Variants in BBX observed in about 807,000 individuals in gnomAD.
BBX encodes the protein HMG box transcription factor BBX.
BBX carries 30 observed loss-of-function variants against 100.2 expected under a neutral mutation model. That is an observed-to-expected ratio of 0.30 (90% CI 0.22 to 0.41). BBX has a LOEUF of 0.41. Among genes scored for constraint, BBX ranks in the 10% least tolerant of loss-of-function variants. The probability of loss-of-function intolerance (pLI) is 1.00; values close to 1 mark genes in which losing one functional copy is unlikely to be tolerated. For synonymous variants in BBX, 376 were observed against 388.1 expected (o/e 0.97, Z 0.37); for missense variants, 1,023 against 1,129.8 (o/e 0.91, Z 1.35).
At chr3:107,801,073 A>G in intron 16 of BBX, 22 bp from the exon 17 acceptor site, 2 of 1,610,780 alleles carry the variant, frequency 1.2e-6, no homozygotes, top group Non-Finnish European at 8.5e-7. Flanking sequence ...TCCTCTCATG[A>G]TGGATTTCTC....
chr3:107,625,749 A>G lies in BBX; in HGVS notation c.-83-20087A>G, dbSNP rs553115931. ...ATAGTCTGTATATAAAAACTTCACC[A>G]TATAGGTGCCTTCATCTAGGTCCCC... On this transcript the variant is annotated intron_variant, in intron 2 of 17. Transcript: ENST00000325805. Among the ~76,000 whole-genome samples the G allele has an allele frequency of 9.9e-4, 150 of 152,282 alleles. 2 individuals carry two copies. The highest frequency in any genetic ancestry group is 3.5e-3 in the African/African-American group (144 of 41,558).
intron 3 of BBX, among the ~76,000 whole-genome samples, chr3:107,673,858 C>A (rs906544318): frequency 2.0e-5 from 3 of 152,146 alleles, no homozygotes; most frequent in African/African-American, 7.2e-5. Flanking sequence ...ACCTTTTCCA[C>A]ATTTGGAAGT....
rs2107793385 is a variant in BBX, at chr3:107,773,655, C to A, written c.1915+19C>A. ...GACAGAGGTAAGTAACTTCTACAAA[C>A]CTGAAAAGAATTCAAAAACCAAACA... On this transcript the variant is annotated intron_variant, in intron 11 of 17. Transcript: ENST00000325805. The surrounding 1 kb of genome is among the most constrained non-coding windows in gnomAD (Gnocchi z 4.1). 6.4e-7 allele frequency: 1 copy of A among 1,570,554 alleles called. No homozygotes were observed.
intron 2 of BBX, among the ~76,000 whole-genome samples, chr3:107,637,187 G>T (rs2056898903): frequency 6.6e-6 from 1 of 152,052 alleles, no homozygotes; most frequent in Admixed American, 6.6e-5. Flanking sequence ...GTATTTATAG[G>T]AATATTTAAG....
At chr3:107,722,376 T>C in intron 5 of BBX, among the ~76,000 whole-genome samples, 1 of 151,956 alleles carries the variant, frequency 6.6e-6, no homozygotes, top group Non-Finnish European at 1.5e-5. Context: ...GTAGTAAAAT[T>C]ATATTTTTAA....
intron 2 of BBX, among the ~76,000 whole-genome samples, chr3:107,572,029 T>C (rs2051406157): frequency 6.6e-6 from 1 of 152,244 alleles, no homozygotes; most frequent in Non-Finnish European, 1.5e-5. Flanking sequence ...ATGTACCTAT[T>C]TTATGAAGAA....
At chr3:107,805,229 A>G (rs2108068561) in intron 17 of BBX, 141 bp from the exon 18 acceptor site, 8 of 998,556 alleles carry the variant, frequency 8.0e-6, no homozygotes, top group Non-Finnish European at 1.0e-5. Flanking sequence ...ACTCTAAAGC[A>G]AAAACAGTTT....
At chr3:107,764,056 G>A (rs932163985) in intron 10 of BBX, among the ~76,000 whole-genome samples, 25 of 152,216 alleles carry the variant, frequency 1.6e-4, no homozygotes, top group South Asian at 2.1e-4. Flanking sequence ...GCAGTGGCAC[G>A]ATCTCAGCTC....
chr3:107,620,532 A>G (rs1013715962), intron 2 of BBX, among the ~76,000 whole-genome samples: 4 of 152,196 alleles, frequency 2.6e-5, no homozygotes, highest in Non-Finnish European at 4.4e-5. Flanking sequence ...GTGCCTTCTG[A>G]GACTGCTTTA....
chr3:107,582,878 G>C (rs548655768), intron 2 of BBX, among the ~76,000 whole-genome samples: 51 of 151,972 alleles, frequency 3.4e-4, no homozygotes, highest in Non-Finnish European at 7.2e-4. Context: ...CTTTGTTGTT[G>C]TTAGGACTAA....
At chr3:107,721,697 CT>C (rs941262783) in intron 5 of BBX, among the ~76,000 whole-genome samples, 1 of 151,870 alleles carries the variant, frequency 6.6e-6, no homozygotes, top group Non-Finnish European at 1.5e-5. Flanking sequence ...TGTCCAGGTT[CT>C]TTTATAAACA....
chr3:107,710,396 G>GGT, intron 3 of BBX, 56 bp from the exon 4 acceptor site: 1 of 1,385,854 alleles, frequency 7.2e-7, no homozygotes, highest in South Asian at 1.4e-5. Context: ...GATTTATCTC[G>GGT]GTGTCTCTCT....
rs963802206 is a variant in BBX, at chr3:107,701,585, T to C, written c.-9-8867T>C. Among the ~76,000 whole-genome samples the C allele has an allele frequency of 1.1e-4, 16 of 152,188 alleles. 1 individual carries two copies. In the Middle Eastern group the frequency reaches 0.013, roughly 120 times the overall value. On this transcript the variant is annotated intron_variant, in intron 3 of 17. Coordinates refer to ENST00000325805, the MANE Select transcript of BBX (RefSeq NM_001142568.3). The stretch of plus-strand genomic sequence containing the variant: ...AGCTTCACCAATTTCATGCTAGTAG[T>C]GTGATTTATAAACATAATTCATAGC...
At chr3:107,697,192 T>C (rs2060676316) in intron 3 of BBX, among the ~76,000 whole-genome samples, 1 of 151,894 alleles carries the variant, frequency 6.6e-6, no homozygotes, top group Non-Finnish European at 1.5e-5. Flanking sequence ...CCTTCTTCTC[T>C]CAGCTCGTCA....
chr3:107,747,820 T>G, intron 8 of BBX, 145 bp from the exon 9 acceptor site: 1 of 589,150 alleles, frequency 1.7e-6, no homozygotes, highest in Non-Finnish European at 2.9e-6. Flanking sequence ...CCCTTATCAT[T>G]TATACTGCTC....
chr3:107,550,634 A>G (rs2049588852), intron 2 of BBX, among the ~76,000 whole-genome samples: 1 of 152,202 alleles, frequency 6.6e-6, no homozygotes, highest in African/African-American at 2.4e-5. Context: ...AAGAAAGAGT[A>G]ACTACAAGGG....
At position 107,710,356 on chromosome 3, in the gene BBX, A is replaced by G. The variant is rs907744517; in HGVS notation, c.-9-96A>G. 1.4e-5 allele frequency: 14 copies of G among 1,008,478 alleles called. No individual in the cohort carries two copies. In the African/African-American group the frequency reaches 2.1e-4, roughly 15 times the overall value. 62.5% of individuals were successfully genotyped at this position (1,008,478 alleles called of 1,614,324 possible). A position where few individuals can be genotyped will look rare whatever the true frequency, so the allele number is the denominator to read the frequency against. On this transcript the variant is annotated intron_variant, in intron 3 of 17. Coordinates refer to ENST00000325805, the MANE Select transcript of BBX (RefSeq NM_001142568.3). ...AATCTAATTAATCCTAAAGGGAGCT[A>G]AATAAACTAATTGTAATCAAATTTA...
At chr3:107,727,605 G>A (rs1034065077) in intron 5 of BBX, among the ~76,000 whole-genome samples, 1 of 152,046 alleles carries the variant, frequency 6.6e-6, no homozygotes, top group Non-Finnish European at 1.5e-5. Flanking sequence ...TTTGAGTTAA[G>A]ATAATGTGAA....
At chr3:107,618,124 A>G (rs978784491) in intron 2 of BBX, among the ~76,000 whole-genome samples, 1 of 152,152 alleles carries the variant, frequency 6.6e-6, no homozygotes, top group East Asian at 1.9e-4. Flanking sequence ...CTATACATCA[A>G]TATGATTATA....
Sources: allele counts gnomAD v4.1 joint callset (sites outside exome capture counted in the v4.1 genomes callset), GRCh38; gene constraint gnomAD v4.1.1; non-coding constraint Gnocchi (gnomAD v3.1); transcripts MANE v1.5; gene names NCBI Gene and HGNC (gene_info 2026-07-23, HGNC 2026-07-21).